Variants in C2CD5 observed in about 807,000 individuals in gnomAD.
C2CD5 encodes C2 domain-containing protein 5.
In C2CD5, 109 loss-of-function variants were observed where a neutral mutation model predicts 130.3. The observed-to-expected ratio is 0.84, with a 90% CI of 0.72 to 0.98. The LOEUF (loss-of-function observed/expected upper bound fraction) is 0.98. Ranked by LOEUF, C2CD5 falls within the 50% of genes least tolerant of loss-of-function variation. The probability of loss-of-function intolerance (pLI) is 0.00; values close to 1 mark genes in which losing one functional copy is unlikely to be tolerated. For synonymous variants in C2CD5, 454 were observed against 429.2 expected, an observed-to-expected ratio of 1.06 and a Z score of -0.71; for missense variants, 996 against 1,261.8, an observed-to-expected ratio of 0.79 and a Z score of 3.19.
At chr12:22,501,403 A>G (rs926738831) in intron 10 of C2CD5, among the ~76,000 whole-genome samples, 2 of 152,126 alleles carry the variant, frequency 1.3e-5, no homozygotes, top group Non-Finnish European at 2.9e-5. Context: ...ACCAACACAC[A>G]TCTCACCCTA....
chr12:22,459,275 T>G (rs1940609378), intron 23 of C2CD5, among the ~76,000 whole-genome samples: 1 of 152,096 alleles, frequency 6.6e-6, no homozygotes, highest in African/African-American at 2.4e-5. Context: ...AATTTTATGC[T>G]TAGAAACTGG....
chr12:22,500,202 C>T (rs188176123), intron 10 of C2CD5, among the ~76,000 whole-genome samples: 2 of 151,124 alleles, frequency 1.3e-5, no homozygotes, highest in East Asian at 1.9e-4. Context: ...AAAATTCTAA[C>T]GCTGTAGTTA....
intron 15 of C2CD5, among the ~76,000 whole-genome samples, chr12:22,475,595 T>C (rs770300369): frequency 3.1e-4 from 47 of 152,228 alleles, no homozygotes; most frequent in South Asian, 6.2e-4. Context: ...GCAAAAGCCA[T>C]AGCCTATTGC....
intron 12 of C2CD5, among the ~76,000 whole-genome samples, chr12:22,485,175 A>T (rs1473325862): frequency 6.6e-6 from 1 of 152,078 alleles, no homozygotes; most frequent in Non-Finnish European, 1.5e-5. Flanking sequence ...TATCACCCCA[A>T]AGTTTTTTCT....
At chr12:22,499,624 T>A (rs187442335) in intron 10 of C2CD5, among the ~76,000 whole-genome samples, 73 of 152,290 alleles carry the variant, frequency 4.8e-4, no homozygotes, top group African/African-American at 1.6e-3. Flanking sequence ...CTGTCTCTAG[T>A]CTTATTGCCT....
In C2CD5 at chr12:22,478,135, T is replaced by TAA. The variant is rs542626146; in HGVS notation, c.1902+177_1902+178insTT. On this transcript the variant is annotated intron_variant, in intron 15 of 26. Coordinates refer to ENST00000446597, the MANE Select transcript of C2CD5 (RefSeq NM_001286176.2). ...AGTCACAATTTTTAAATAGGATCGT[T>TAA]AGAGTAGGCTTACCCGAAAAGGAGA... 188 of 586,448 alleles carry TAA rather than the reference T, an allele frequency of 3.2e-4. No individual in the cohort carries two copies. The East Asian group carries it at 5.0e-3, about 16-fold the overall frequency. 36.3% of individuals were successfully genotyped at this position (586,448 alleles called of 1,614,324 possible). A position where few individuals can be genotyped will look rare whatever the true frequency, so the allele number is the denominator to read the frequency against.
chr12:22,497,095 T>C (rs1947114706), intron 10 of C2CD5, among the ~76,000 whole-genome samples: 1 of 152,176 alleles, frequency 6.6e-6, no homozygotes, highest in South Asian at 2.1e-4. Flanking sequence ...TATCATACAC[T>C]TGGCAATTAA....
At chr12:22,453,091 A>G (rs1246358123) in intron 26 of C2CD5, among the ~76,000 whole-genome samples, 5 of 152,204 alleles carry the variant, frequency 3.3e-5, no homozygotes, top group African/African-American at 1.2e-4. Context: ...ATATACATAT[A>G]CACATCTATT....
At chr12:22,499,921 C>G (rs1310564299) in intron 10 of C2CD5, among the ~76,000 whole-genome samples, 2 of 152,224 alleles carry the variant, frequency 1.3e-5, no homozygotes, top group Non-Finnish European at 2.9e-5. Flanking sequence ...GGTGCAGTGG[C>G]TCACGCCCGT....
chr12:22,474,169 G>A (rs1409144697), intron 16 of C2CD5, among the ~76,000 whole-genome samples: 2 of 152,012 alleles, frequency 1.3e-5, no homozygotes, highest in Admixed American at 1.3e-4. Context: ...ATATGAAAAA[G>A]AAAAATCTAT....
At chr12:22,473,861 C>G (rs942674746) in intron 16 of C2CD5, among the ~76,000 whole-genome samples, 4 of 152,106 alleles carry the variant, frequency 2.6e-5, no homozygotes, top group African/African-American at 9.7e-5. Context: ...CCTCCTTGAC[C>G]TGAGATATTT....
chr12:22,530,508 A>G (rs1025763860), intron 3 of C2CD5, among the ~76,000 whole-genome samples: 1 of 148,938 alleles, frequency 6.7e-6, no homozygotes, highest in African/African-American at 2.6e-5. Context: ...CCCAGGCTGG[A>G]GTGCAATGGC....
In C2CD5 at chr12:22,513,294, C is replaced by G; in HGVS notation, c.1038G>C (p.Arg346Ser). 6.3e-7 allele frequency: 1 copy of G among 1,595,446 alleles called. No homozygotes were observed. Among genetic ancestry groups the G allele is most frequent in the Non-Finnish European group, 8.6e-7 (1 of 1,163,550 alleles). ...ACAAAGAATATCAAGTGAATCTTACCCTCTGTTCCAACGCTGATTGAGTCT... is the reference window on the plus strand; with the variant it reads ...ACAAAGAATATCAAGTGAATCTTACGCTCTGTTCCAACGCTGATTGAGTCT... ...RQQTQSALEQ[R>S]EFPFFTLTAF... is the part of the protein sequence containing the mutation. Residue 346 changes from arginine (R) to serine (S), a missense_variant and splice_region_variant, in exon 9 of 27, where the codon AGG becomes AGC. Coordinates refer to ENST00000446597, the MANE Select transcript of C2CD5 (RefSeq NM_001286176.2).
intron 22 of C2CD5, chr12:22,463,710 T>C (rs569531068): frequency 6.6e-6 from 1 of 152,300 alleles, no homozygotes; most frequent in African/African-American, 2.4e-5. Context: ...CTCTTTTGAC[T>C]ATCTATTCAC....
At chr12:22,476,465 G>GA (rs1454699453) in intron 15 of C2CD5, among the ~76,000 whole-genome samples, 4 of 152,154 alleles carry the variant, frequency 2.6e-5, no homozygotes, top group African/African-American at 9.6e-5. Context: ...CTCAACACAT[G>GA]AAATTCATAT....
chr12:22,541,755 A>G (rs1952408596), intron 2 of C2CD5, among the ~76,000 whole-genome samples: 1 of 152,106 alleles, frequency 6.6e-6, no homozygotes, highest in South Asian at 2.1e-4. Flanking sequence ...TTCTCTTTCT[A>G]TTGTTCCCTT....
Position 22,458,473 on chromosome 12 carries a change from C to CGG in C2CD5, c.2686+10_2686+11insCC. 2 of 1,193,954 alleles carry CGG rather than the reference C, an allele frequency of 1.7e-6. No individual in the cohort carries two copies. The highest frequency in any genetic ancestry group is 2.1e-6 in the Non-Finnish European group (2 of 941,988). The allele number at this position is 1,193,954 out of a possible 1,614,324, so 74.0% of individuals were successfully genotyped here. ...TCAGATTATCATAATGTGGTAGAAA[C>CGG]ATCCGCCTACTTGTCTTAATTGATC... On this transcript the variant is annotated intron_variant, in intron 24 of 26. Coordinates refer to ENST00000446597, the MANE Select transcript of C2CD5 (RefSeq NM_001286176.2).
intron 8 of C2CD5, among the ~76,000 whole-genome samples, chr12:22,514,799 A>T (rs1949550149): frequency 6.6e-6 from 1 of 152,122 alleles, no homozygotes. Context: ...ATTCATGATT[A>T]GCCATCAAGT....
chr12:22,524,410 G>C, intron 6 of C2CD5, 62 bp downstream of exon 6: 1 of 1,465,896 alleles, frequency 6.8e-7, no homozygotes, highest in Non-Finnish European at 9.4e-7. Flanking sequence ...CATGTCAAAG[G>C]AAAGCAAAAA....
Sources: gnomAD v4.1 joint callset for allele counts (sites outside exome capture counted in the v4.1 genomes callset) on GRCh38, gnomAD v4.1.1 for gene constraint, MANE v1.5 for transcripts, NCBI Gene and HGNC (gene_info 2026-07-23, HGNC 2026-07-21) for gene names.